Variants in CCDC126 observed in about 807,000 individuals in gnomAD.
CCDC126 encodes coiled-coil domain containing 126.
Under a neutral mutation model 11.7 loss-of-function variants are expected in CCDC126, and 5 were observed. The observed-to-expected ratio is 0.43, with a 90% confidence interval of 0.22 to 0.90. The LOEUF (loss-of-function observed/expected upper bound fraction) is 0.90. Ranked by LOEUF, CCDC126 falls within the 40% of genes least tolerant of loss-of-function variation. The pLI is 0.27. For synonymous variants in CCDC126, 60 were observed against 61.9 expected (o/e 0.97, Z 0.14); for missense variants, 150 against 163.1 (o/e 0.92, Z 0.44).
intron 3 of CCDC126, 68 bp from the exon 4 acceptor site, chr7:23,642,863 T>C: frequency 2.2e-6 from 3 of 1,388,082 alleles, no homozygotes; most frequent in South Asian, 1.3e-5. Flanking sequence ...CCTTTTTCCT[T>C]CAAACTGTAA....
At position 23,638,544 on chromosome 7, in the gene CCDC126, C is replaced by G. The variant is rs563860322; in HGVS notation, c.239-4387C>G. On this transcript the variant is annotated intron_variant, in intron 3 of 3. Transcript: ENST00000307471. ...ATGCTCGTTAAGAGTCATCACCACT[C>G]CCTAATCTTAAGTACCCAGGGACAC... 2.5e-5 allele frequency among the ~76,000 whole-genome samples: 3 copies of G among 121,910 alleles called. No individual in the cohort carries two copies. The Admixed American group carries it at 2.5e-4, about 10-fold the overall frequency. 80.0% of individuals were successfully genotyped at this position (121,910 alleles called of 152,430 possible).
At chr7:23,641,561 A>G (rs1783356571) in intron 3 of CCDC126, among the ~76,000 whole-genome samples, 1 of 152,190 alleles carries the variant, frequency 6.6e-6, no homozygotes, top group African/African-American at 2.4e-5. Flanking sequence ...TTTCTGATAG[A>G]ACCATCAGCA....
At chr7:23,641,250 A>G (rs1783351085) in intron 3 of CCDC126, among the ~76,000 whole-genome samples, 1 of 152,148 alleles carries the variant, frequency 6.6e-6, no homozygotes, top group Admixed American at 6.6e-5. Context: ...GTATTTCCAT[A>G]GTGGCCAGTG....
In CCDC126 at chr7:23,611,408, C is replaced by G; in HGVS notation, c.93C>G (p.His31Gln). Reference sequence around the variant, plus strand: ...TCATTTGGGGATTGATGTTACTGCACTATACTTTTCAACAACCAAGACATC... The same window carrying G: ...TCATTTGGGGATTGATGTTACTGCAGTATACTTTTCAACAACCAAGACATC... ...FGLIWGLMLLHYTFQQPRHQS... is the reference protein window; with the variant it reads ...FGLIWGLMLLQYTFQQPRHQS... The change falls in exon 3 of 4, where the codon CAC becomes CAG. Residue 31 changes from histidine to glutamine, a missense_variant. Coordinates refer to ENST00000307471, the MANE Select transcript of CCDC126 (RefSeq NM_138771.4). 6.2e-7 allele frequency: 1 copy of G among 1,613,708 alleles called. No individual in the cohort carries two copies. The highest frequency in any genetic ancestry group is 8.5e-7 in the Non-Finnish European group (1 of 1,179,748).
At chr7:23,616,827 T>G (rs147330180) in intron 3 of CCDC126, among the ~76,000 whole-genome samples, 1 of 152,208 alleles carries the variant, frequency 6.6e-6, no homozygotes, top group African/African-American at 2.4e-5. Flanking sequence ...GTCATTCAAT[T>G]CTGGGATATT....
chr7:23,622,409 G>A, intron 3 of CCDC126: 1 of 338,382 alleles, frequency 3.0e-6, no homozygotes, highest in East Asian at 8.0e-5. Context: ...TTGTATTTCT[G>A]TGGGATCAGT....
intron 2 of CCDC126, among the ~76,000 whole-genome samples, chr7:23,603,835 C>G (rs534230510): frequency 2.0e-5 from 3 of 152,286 alleles, no homozygotes; most frequent in Admixed American, 6.5e-5. Flanking sequence ...TGATTGTTCA[C>G]TAGGCTCTGT....
At chr7:23,635,508 G>A (rs1783194213) in intron 3 of CCDC126, among the ~76,000 whole-genome samples, 1 of 152,212 alleles carries the variant, frequency 6.6e-6, no homozygotes, top group African/African-American at 2.4e-5. Flanking sequence ...ATAGAGAAAG[G>A]AGGATGTTTG....
At chr7:23,621,339 C>T (rs1181892787) in intron 3 of CCDC126, among the ~76,000 whole-genome samples, 1 of 152,142 alleles carries the variant, frequency 6.6e-6, no homozygotes, top group Non-Finnish European at 1.5e-5. Context: ...CTCTTTGAAG[C>T]AATTGTGAAT....
At position 23,611,288 on chromosome 7, in the gene CCDC126, T is replaced by G. The variant is rs368884666; in HGVS notation, c.-28T>G. 1.2e-5 allele frequency: 17 copies of G among 1,432,922 alleles called. No individual in the cohort carries two copies. The highest frequency in any genetic ancestry group is 1.6e-5 in the Non-Finnish European group (16 of 1,017,720). 88.8% of individuals were successfully genotyped at this position (1,432,922 alleles called of 1,614,324 possible). A position where few individuals can be genotyped will look rare whatever the true frequency, so the allele number is the denominator to read the frequency against. ...CTTACCTCAAGTTACCATTTTTCAGTCAAGTCTGTTTGTTTGCTTCTTCAG... is the reference window on the plus strand; with the variant it reads ...CTTACCTCAAGTTACCATTTTTCAGGCAAGTCTGTTTGTTTGCTTCTTCAG... On this transcript the variant is annotated 5_prime_UTR_variant, in exon 3 of 4. Transcript: ENST00000307471.
At chr7:23,622,338 T>C (rs529943201) in intron 3 of CCDC126, 89 of 266,362 alleles carry the variant, frequency 3.3e-4, no homozygotes, top group Non-Finnish European at 5.6e-4. Context: ...AATTTATCCA[T>C]TTCTTCTAGA....
At chr7:23,637,900 C>T (rs1324577818) in intron 3 of CCDC126, among the ~76,000 whole-genome samples, 1,960 of 115,192 alleles carry the variant, frequency 0.017, 2 homozygotes, top group Non-Finnish European at 0.026. Context: ...CGCCTCTGCC[C>T]GGCCGCCCCT....
At position 23,642,016 on chromosome 7, in the gene CCDC126, G is replaced by T. The variant is rs558683171; in HGVS notation, c.239-915G>T. On this transcript the variant is annotated intron_variant, in intron 3 of 3. Transcript: ENST00000307471. The stretch of plus-strand genomic sequence containing the variant: ...TACCAGCTTAGTCTGTGTTTTTTTG[G>T]TTTTTTGTTTTTTGAGAGGGAGTCT... Among the ~76,000 whole-genome samples the T allele has an allele frequency of 7.2e-5, 11 of 152,034 alleles. No individual in the cohort carries two copies. The East Asian group carries it at 1.7e-3, about 24-fold the overall frequency.
At chr7:23,637,163 AG>A (rs1397273098) in intron 3 of CCDC126, among the ~76,000 whole-genome samples, 74 of 32,596 alleles carry the variant, frequency 2.3e-3, no homozygotes, top group South Asian at 7.3e-3. Context: ...GGAAGTGAGG[AG>A]CCCCTCTGCC....
chr7:23,631,029 T>G (rs571932833), intron 3 of CCDC126, among the ~76,000 whole-genome samples: 48 of 152,190 alleles, frequency 3.2e-4, no homozygotes, highest in African/African-American at 1.1e-3. Context: ...TTTAGATTTA[T>G]GCACTAAGTG....
chr7:23,629,293 T>C (rs1029585544), intron 3 of CCDC126, among the ~76,000 whole-genome samples: 3 of 152,210 alleles, frequency 2.0e-5, no homozygotes, highest in Non-Finnish European at 4.4e-5. Context: ...TTCAGAGAGC[T>C]ACCTTGTCTC....
chr7:23,638,764 A>C (rs1334336819), intron 3 of CCDC126, among the ~76,000 whole-genome samples: 1 of 138,860 alleles, frequency 7.2e-6, no homozygotes, highest in African/African-American at 2.6e-5. Flanking sequence ...GATCTATAGC[A>C]GTAGTCTGCC....
intron 3 of CCDC126, among the ~76,000 whole-genome samples, chr7:23,620,316 A>C (rs1485318485): frequency 2.0e-5 from 3 of 152,176 alleles, no homozygotes; most frequent in African/African-American, 7.2e-5. Flanking sequence ...TTTGATTTGC[A>C]TTTCTCTGAT....
chr7:23,636,221 C>T (rs1431997261), intron 3 of CCDC126, among the ~76,000 whole-genome samples: 7 of 152,244 alleles, frequency 4.6e-5, no homozygotes, highest in African/African-American at 1.7e-4. Context: ...CTACAACCAC[C>T]TCCCAGCCGC....
Sources: allele counts gnomAD v4.1 joint callset (sites outside exome capture counted in the v4.1 genomes callset), GRCh38; gene constraint gnomAD v4.1.1; transcripts MANE v1.5; gene names NCBI Gene and HGNC (gene_info 2026-07-23, HGNC 2026-07-21).